Variants in IL17D observed in about 807,000 individuals in gnomAD.
IL17D encodes the protein interleukin-17D.
Under a neutral mutation model 5.7 loss-of-function variants are expected in IL17D, and 10 were observed. The observed-to-expected ratio is 1.75, with a 90% CI of 1.08 to 2.97. IL17D has a LOEUF of 2.97. Among genes scored for constraint, IL17D ranks in the 30% most tolerant of loss-of-function variants. IL17D has a pLI of 0.00. For synonymous variants in IL17D, 172 were observed against 141.7 expected, an observed-to-expected ratio of 1.21 and a Z score of -1.52; for missense variants, 354 against 292.7, an observed-to-expected ratio of 1.21 and a Z score of -1.53.
intron 1 of IL17D, among the ~76,000 whole-genome samples, chr13:20,720,451 T>G (rs2058722255): frequency 6.6e-6 from 1 of 152,242 alleles, no homozygotes; most frequent in Non-Finnish European, 1.5e-5. Flanking sequence ...AAAAAAATTC[T>G]ACAACTATTT....
Position 20,704,077 on chromosome 13 carries a change from G to T in IL17D, c.76G>T (p.Ala26Ser). 1 of 1,120,440 alleles carries T rather than the reference G, an allele frequency of 8.9e-7. No individual in the cohort carries two copies. The highest frequency in any genetic ancestry group is 1.1e-6 in the Non-Finnish European group (1 of 921,076). 69.4% of individuals were successfully genotyped at this position (1,120,440 alleles called of 1,614,324 possible). A position where few individuals can be genotyped will look rare whatever the true frequency, so the allele number is the denominator to read the frequency against. The change falls in exon 1 of 2, where the codon GCG (alanine) becomes TCG (serine). Residue 26 changes from alanine (A) to serine (S), a missense_variant. By Grantham distance (99) the Ala-to-Ser change is moderately conservative (BLOSUM62 1). Coordinates refer to ENST00000682841, the MANE Select transcript of IL17D (RefSeq NM_001385224.1). ...CGCCCCGAGGGCGGGCAGGCGCCCC[G>T]CGCGGCCGCGGGGCTGCGCGGACCG... ...AGAPRAGRRP[A>S]RPRGCADRPE...
At chr13:20,707,712 T>TG (rs1187173291) in intron 1 of IL17D, among the ~76,000 whole-genome samples, 1 of 152,100 alleles carries the variant, frequency 6.6e-6, no homozygotes, top group Non-Finnish European at 1.5e-5. Flanking sequence ...TTTTTAGAGA[T>TG]GGGGGCCTCA....
rs2058749749 is a variant in IL17D, at chr13:20,723,021, A to G, written c.*1067A>G. 1 of 152,216 alleles carries G rather than the reference A, an allele frequency of 6.6e-6. No homozygotes were observed. Among genetic ancestry groups the G allele is most frequent in the African/African-American group, 2.4e-5 (1 of 41,460 alleles). The allele number at this position is 152,216 out of a possible 1,614,324, so 9.4% of individuals were successfully genotyped here. On this transcript the variant is annotated 3_prime_UTR_variant, in exon 2 of 2. Coordinates refer to ENST00000682841, the MANE Select transcript of IL17D (RefSeq NM_001385224.1). ...GGTCCTTGATCTTTTCTTTAGATTG[A>G]AAGTCTGTCTCTGAACACAATTATT...
At chr13:20,702,519 T>C (rs1372736273), upstream of IL17D, 2 of 152,254 alleles carry the variant, frequency 1.3e-5, no homozygotes, top group African/African-American at 2.4e-5. Flanking sequence ...TCATATTCTT[T>C]AGCCTGCCAC....
chr13:20,713,113 T>C (rs931656491), intron 1 of IL17D: 6 of 152,106 alleles, frequency 3.9e-5, no homozygotes, highest in African/African-American at 1.4e-4. Flanking sequence ...TCTCTGCACA[T>C]AGTACATGAG....
intron 1 of IL17D, among the ~76,000 whole-genome samples, chr13:20,709,397 T>A (rs573803918): frequency 6.6e-6 from 1 of 152,300 alleles, no homozygotes; most frequent in East Asian, 1.9e-4. Flanking sequence ...GGAAGCTACC[T>A]AAACATCCAC....
At chr13:20,719,966 C>G (rs1471135914) in intron 1 of IL17D, among the ~76,000 whole-genome samples, 3 of 152,152 alleles carry the variant, frequency 2.0e-5, no homozygotes, top group Non-Finnish European at 4.4e-5. Context: ...TAGGTTCCCT[C>G]CCTCTTGTTT....
intron 1 of IL17D, among the ~76,000 whole-genome samples, chr13:20,710,425 G>A: frequency 8.0e-6 from 1 of 124,416 alleles, no homozygotes; most frequent in South Asian, 2.4e-4. Flanking sequence ...ACCAGCCTGA[G>A]CAACATGGAG....
At position 20,703,915 on chromosome 13, in the gene IL17D, G is replaced by C; in HGVS notation, c.-87G>C. Reference sequence around the variant, plus strand: ...GAGGGGAGGCGCCCGCCGGCTCCGGGCGCCGCGGGCGGGACACGGGCGCGG... The same window carrying C: ...GAGGGGAGGCGCCCGCCGGCTCCGGCCGCCGCGGGCGGGACACGGGCGCGG... On this transcript the variant is annotated 5_prime_UTR_variant, in exon 1 of 2. Coordinates refer to ENST00000682841, the MANE Select transcript of IL17D (RefSeq NM_001385224.1). The C allele has an allele frequency of 1.3e-6, 1 of 753,090 alleles. No homozygotes were observed. Among genetic ancestry groups the C allele is most frequent in the Non-Finnish European group, 1.6e-6 (1 of 618,976 alleles). 46.7% of individuals were successfully genotyped at this position (753,090 alleles called of 1,614,324 possible). A position where few individuals can be genotyped will look rare whatever the true frequency, so the allele number is the denominator to read the frequency against.
chr13:20,714,971 G>A (rs2141392174), intron 1 of IL17D, among the ~76,000 whole-genome samples: 1 of 152,234 alleles, frequency 6.6e-6, no homozygotes, highest in Non-Finnish European at 1.5e-5. Context: ...ACTATACCCG[G>A]CCCTGGCCCC....
upstream of IL17D, chr13:20,702,301 T>A (rs1310330802): frequency 6.6e-6 from 1 of 152,214 alleles, no homozygotes; most frequent in Non-Finnish European, 1.5e-5. Flanking sequence ...ATTACTAAGC[T>A]CCTTAGTTAT....
intron 1 of IL17D, among the ~76,000 whole-genome samples, chr13:20,719,704 C>T (rs2058716373): frequency 6.6e-6 from 1 of 152,212 alleles, no homozygotes; most frequent in Non-Finnish European, 1.5e-5. Flanking sequence ...ACAGACACGA[C>T]ACTATTATCT....
Position 20,704,201 on chromosome 13 carries a change from G to A in IL17D, c.200G>A (p.Arg67His). The A allele has an allele frequency of 1.5e-6, 2 of 1,371,338 alleles. No individual in the cohort carries two copies. The highest frequency in any genetic ancestry group is 9.5e-7 in the Non-Finnish European group (1 of 1,057,140). The allele number at this position is 1,371,338 out of a possible 1,614,324, so 84.9% of individuals were successfully genotyped here. ...TLQLGPREQARNASCPAGGRP... is the reference protein window; with the variant it reads ...TLQLGPREQAHNASCPAGGRP... ...CAGCTGGGGCCGCGTGAGCAGGCGC[G>A]CAACGCGAGCTGCCCGGCAGGGGGC... The change falls in exon 1 of 2, where the codon CGC (arginine) becomes CAC (histidine). Residue 67 changes from arginine to histidine, a missense_variant. Coordinates refer to ENST00000682841, the MANE Select transcript of IL17D (RefSeq NM_001385224.1).
intron 1 of IL17D, chr13:20,713,010 TC>T: frequency 6.6e-6 from 1 of 151,620 alleles, no homozygotes; most frequent in South Asian, 2.1e-4. Context: ...CCTCCCTCTT[TC>T]TTTTTTATAA....
At chr13:20,718,801 C>G (rs1371392663) in intron 1 of IL17D, among the ~76,000 whole-genome samples, 1 of 143,022 alleles carries the variant, frequency 7.0e-6, no homozygotes, top group African/African-American at 2.6e-5. Flanking sequence ...CACCTGCCCA[C>G]GCTCACCCCT....
chr13:20,703,933 G>C lies in IL17D; in HGVS notation c.-69G>C, dbSNP rs2058564894. The C allele has an allele frequency of 5.3e-5, 48 of 898,896 alleles. No homozygotes were observed. Among genetic ancestry groups the C allele is most frequent in the Non-Finnish European group, 6.4e-5 (48 of 750,916 alleles). 55.7% of individuals were successfully genotyped at this position (898,896 alleles called of 1,614,324 possible). ...GCTCCGGGCGCCGCGGGCGGGACAC[G>C]GGCGCGGGGCGCAGGCGGGCTCCTC... On this transcript the variant is annotated 5_prime_UTR_variant, in exon 1 of 2. Coordinates refer to ENST00000682841, the MANE Select transcript of IL17D (RefSeq NM_001385224.1).
At chr13:20,711,576 G>T (rs1298965274) in intron 1 of IL17D, among the ~76,000 whole-genome samples, 1 of 152,164 alleles carries the variant, frequency 6.6e-6, no homozygotes, top group African/African-American at 2.4e-5. Flanking sequence ...GAGAACAGGG[G>T]ACAGGAGGTC....
At chr13:20,706,330 C>T (rs1390932939) in intron 1 of IL17D, among the ~76,000 whole-genome samples, 2 of 152,200 alleles carry the variant, frequency 1.3e-5, no homozygotes, top group African/African-American at 4.8e-5. Context: ...TCTGATATAC[C>T]AAATAGGATT....
chr13:20,704,099 A>C lies in IL17D; in HGVS notation c.98A>C (p.Asp33Ala). 2 of 1,247,692 alleles carry C rather than the reference A, an allele frequency of 1.6e-6. No individual in the cohort carries two copies. The highest frequency in any genetic ancestry group is 2.0e-6 in the Non-Finnish European group (2 of 985,088). 77.3% of individuals were successfully genotyped at this position (1,247,692 alleles called of 1,614,324 possible). A position where few individuals can be genotyped will look rare whatever the true frequency, so the allele number is the denominator to read the frequency against. Residue 33 changes from aspartate to alanine, a missense_variant, in exon 1 of 2, where the codon GAC becomes GCC. Asp to Ala is a moderately radical substitution (Grantham distance 126). Coordinates refer to ENST00000682841, the MANE Select transcript of IL17D (RefSeq NM_001385224.1). ...CCCGCGCGGCCGCGGGGCTGCGCGG[A>C]CCGGCCGGAGGAGCTACTGGAGCAG... ...RRPARPRGCA[D>A]RPEELLEQLY... is the part of the protein sequence containing the mutation.
Sources: allele counts gnomAD v4.1 joint callset (sites outside exome capture counted in the v4.1 genomes callset), GRCh38; gene constraint gnomAD v4.1.1; transcripts MANE v1.5; gene names NCBI Gene and HGNC (gene_info 2026-07-23, HGNC 2026-07-21).